The following ATRNL1 variants were observed in gnomAD, a reference collection of about 807,000 sequenced individuals.
The protein encoded by ATRNL1 is attractin like 1.
In ATRNL1, 95 loss-of-function variants were observed where a neutral mutation model predicts 182.7. The ratio of observed to expected loss-of-function variants is 0.52; its 90% CI spans 0.44 to 0.62. The LOEUF (loss-of-function observed/expected upper bound fraction) is 0.62, where lower values mean the gene tolerates loss of function less well. ATRNL1 is among the 20% of genes least tolerant of loss of function. ATRNL1 has a pLI of 0.00. For synonymous variants in ATRNL1, 576 were observed against 568.3 expected (o/e 1.01, Z -0.19); for missense variants, 1,471 against 1,679.5 (o/e 0.88, Z 2.17).
rs541138225 is a variant in ATRNL1, at chr10:115,114,223, C to A, written c.294-5962C>A. ...AGATATAGAAGAATGAAATTAAACC[C>A]TTATCTGATCCCTTATAGAAGAATC... On this transcript the variant is annotated intron_variant, in intron 1 of 28. Coordinates refer to ENST00000355044, the MANE Select transcript of ATRNL1 (RefSeq NM_207303.4). Among the ~76,000 whole-genome samples the A allele has an allele frequency of 2.0e-5, 3 of 152,204 alleles. 1 individual carries two copies. In the East Asian group the frequency reaches 5.8e-4, roughly 29 times the overall value.
At chr10:115,351,849 T>G (rs1856273346) in intron 19 of ATRNL1, among the ~76,000 whole-genome samples, 1 of 152,076 alleles carries the variant, frequency 6.6e-6, no homozygotes. Flanking sequence ...AATTTGAGAG[T>G]GTTCTCTCAT....
chr10:115,496,814 C>T (rs1320745486), intron 24 of ATRNL1, among the ~76,000 whole-genome samples: 2 of 152,152 alleles, frequency 1.3e-5, no homozygotes, highest in Non-Finnish European at 2.9e-5. Flanking sequence ...TTCTCTCTAG[C>T]TCCATTTAAC....
At chr10:115,517,219 A>C (rs1850684792) in intron 24 of ATRNL1, among the ~76,000 whole-genome samples, 1 of 151,752 alleles carries the variant, frequency 6.6e-6, no homozygotes, top group Non-Finnish European at 1.5e-5. Context: ...TTGTGTTTTT[A>C]CTTACTTGGC....
chr10:115,107,105 A>G (rs1844046210), intron 1 of ATRNL1, among the ~76,000 whole-genome samples: 1 of 152,156 alleles, frequency 6.6e-6, no homozygotes, highest in Non-Finnish European at 1.5e-5. Flanking sequence ...ACCTCCCATT[A>G]TGCCCCACCT....
At chr10:115,150,847 A>G (rs1247420337) in intron 5 of ATRNL1, among the ~76,000 whole-genome samples, 2 of 152,130 alleles carry the variant, frequency 1.3e-5, no homozygotes, top group Non-Finnish European at 1.5e-5. Context: ...TACATTAGGT[A>G]TATCTCCTAA....
chr10:115,762,980 C>T (rs1948768793), intron 27 of ATRNL1, among the ~76,000 whole-genome samples: 1 of 152,046 alleles, frequency 6.6e-6, no homozygotes, highest in Non-Finnish European at 1.5e-5. Context: ...ATGTGATCAG[C>T]ACTTTTTATG....
intron 19 of ATRNL1, among the ~76,000 whole-genome samples, chr10:115,339,636 A>G (rs550158568): frequency 6.6e-6 from 1 of 152,294 alleles, no homozygotes; most frequent in East Asian, 1.9e-4. Context: ...ATAAGATCAT[A>G]TTATCTGGAA....
chr10:115,416,925 G>A (rs1174805643), intron 20 of ATRNL1, among the ~76,000 whole-genome samples: 1 of 152,150 alleles, frequency 6.6e-6, no homozygotes, highest in African/African-American at 2.4e-5. Context: ...CAAGATGGCA[G>A]AATAGGAGAT....
chr10:115,560,471 C>G (rs1554999093), intron 26 of ATRNL1, among the ~76,000 whole-genome samples: 1 of 151,984 alleles, frequency 6.6e-6, no homozygotes, highest in African/African-American at 2.4e-5. Flanking sequence ...CACAGCAAAA[C>G]CATATCACTC....
chr10:115,597,112 T>C (rs1037414302), intron 26 of ATRNL1, among the ~76,000 whole-genome samples: 1 of 152,180 alleles, frequency 6.6e-6, no homozygotes, highest in South Asian at 2.1e-4. Context: ...ATTTTGATTA[T>C]ATTTACTCCA....
At chr10:115,689,806 G>A (rs958332151) in intron 26 of ATRNL1, among the ~76,000 whole-genome samples, 30 of 152,310 alleles carry the variant, frequency 2.0e-4, no homozygotes, top group African/African-American at 7.0e-4. Context: ...CTGTAGAGGT[G>A]GGGAAGGACC....
At chr10:115,582,428 A>G in intron 26 of ATRNL1, among the ~76,000 whole-genome samples, 1 of 134,586 alleles carries the variant, frequency 7.4e-6, no homozygotes. Context: ...CTTTTTAATG[A>G]TTGCCATTCT....
intron 26 of ATRNL1, among the ~76,000 whole-genome samples, chr10:115,656,573 T>C (rs188887731): frequency 6.6e-6 from 1 of 152,292 alleles, no homozygotes; most frequent in East Asian, 1.9e-4. Flanking sequence ...CCAAGGTGGA[T>C]AGGTTCTGGC....
At chr10:115,822,649 A>T (rs1222583910) in intron 27 of ATRNL1, among the ~76,000 whole-genome samples, 1 of 152,210 alleles carries the variant, frequency 6.6e-6, no homozygotes, top group Non-Finnish European at 1.5e-5. Context: ...AATACTATAA[A>T]CACCTCTATG....
At chr10:115,893,681 G>A (rs1952135072) in intron 28 of ATRNL1, among the ~76,000 whole-genome samples, 2 of 152,282 alleles carry the variant, frequency 1.3e-5, no homozygotes, top group African/African-American at 4.8e-5. Flanking sequence ...AGCCACTCCT[G>A]CAGATGATTC....
At chr10:115,473,201 A>G (rs1400561564) in intron 24 of ATRNL1, among the ~76,000 whole-genome samples, 1 of 151,278 alleles carries the variant, frequency 6.6e-6, no homozygotes, top group African/African-American at 2.4e-5. Flanking sequence ...CCACTTGATC[A>G]TGTTTTATGA....
intron 17 of ATRNL1, among the ~76,000 whole-genome samples, chr10:115,305,996 T>C (rs1189710939): frequency 2.6e-5 from 4 of 152,176 alleles, no homozygotes; most frequent in Non-Finnish European, 5.9e-5. Context: ...GGCTAGAAAG[T>C]AGGGAAAAAC....
intron 1 of ATRNL1, among the ~76,000 whole-genome samples, chr10:115,114,704 C>T (rs1324734033): frequency 3.9e-5 from 6 of 151,976 alleles, no homozygotes; most frequent in Non-Finnish European, 8.8e-5. Context: ...CATCTCATAC[C>T]TCTTAAAATG....
chr10:115,929,687 AGTTTTT>A (rs1285279699), intron 28 of ATRNL1, among the ~76,000 whole-genome samples: 1 of 152,070 alleles, frequency 6.6e-6, no homozygotes. Flanking sequence ...CCCACTTTTT[AGTTTTT>A]ATCTTGGCTG....
Sources: allele counts gnomAD v4.1 joint callset (sites outside exome capture counted in the v4.1 genomes callset), GRCh38; gene constraint gnomAD v4.1.1; transcripts MANE v1.5; gene names NCBI Gene and HGNC (gene_info 2026-07-23, HGNC 2026-07-21).